The following AGBL4 variants were observed in gnomAD, a reference collection of about 807,000 sequenced individuals.
AGBL4 encodes the protein cytosolic carboxypeptidase 6.
AGBL4 carries 58 observed loss-of-function variants against 66.4 expected under a neutral mutation model. The ratio of observed to expected loss-of-function variants is 0.87; its 90% CI spans 0.71 to 1.09. The LOEUF is 1.09. Ranked by LOEUF, AGBL4 falls within the 50% of genes least tolerant of loss-of-function variation. The pLI is 0.00. For synonymous variants in AGBL4, 234 were observed against 222.9 expected (o/e 1.05, Z -0.44); for missense variants, 579 against 631.0 (o/e 0.92, Z 0.88).
intron 9 of AGBL4, among the ~76,000 whole-genome samples, chr1:48,597,736 G>T (rs1488435178): frequency 7.1e-6 from 1 of 139,978 alleles, no homozygotes; most frequent in Non-Finnish European, 1.6e-5. Flanking sequence ...GGGAGGGGAG[G>T]GGAGGGGAGA....
At chr1:50,017,704 A>T (rs1662096824) in intron 1 of AGBL4, among the ~76,000 whole-genome samples, 1 of 152,134 alleles carries the variant, frequency 6.6e-6, no homozygotes, top group Non-Finnish European at 1.5e-5. Flanking sequence ...GAGACAAAGA[A>T]GGGAACAAAA....
chr1:49,494,520 T>A (rs951872284), intron 3 of AGBL4, among the ~76,000 whole-genome samples: 3 of 151,592 alleles, frequency 2.0e-5, no homozygotes, highest in Non-Finnish European at 4.4e-5. Flanking sequence ...TGAGAATATG[T>A]GGTGTTTGGT....
intron 5 of AGBL4, among the ~76,000 whole-genome samples, chr1:48,964,595 T>G (rs2148944965): frequency 6.6e-6 from 1 of 152,342 alleles, no homozygotes; most frequent in South Asian, 2.1e-4. Context: ...TATGAATTCC[T>G]TCTCTTTTAT....
intron 5 of AGBL4, among the ~76,000 whole-genome samples, chr1:48,873,026 T>G (rs1648842951): frequency 6.6e-6 from 1 of 152,196 alleles, no homozygotes; most frequent in South Asian, 2.1e-4. Context: ...CCCTTTACTA[T>G]GGCCTCTTAA....
chr1:49,186,289 G>T (rs1187914319), intron 4 of AGBL4, among the ~76,000 whole-genome samples: 1 of 152,036 alleles, frequency 6.6e-6, no homozygotes, highest in African/African-American at 2.4e-5. Flanking sequence ...ATTCTTCAAG[G>T]CCAATCTCAA....
intron 6 of AGBL4, among the ~76,000 whole-genome samples, chr1:48,854,958 A>G (rs1328165319): frequency 6.6e-6 from 1 of 152,196 alleles, no homozygotes; most frequent in Non-Finnish European, 1.5e-5. Context: ...CAAGATGCAC[A>G]AGATGTCAGA....
chr1:49,074,934 C>T (rs185820826), intron 4 of AGBL4, among the ~76,000 whole-genome samples: 30 of 152,220 alleles, frequency 2.0e-4, no homozygotes, highest in South Asian at 2.1e-4. Context: ...TCCTAAACTC[C>T]ATGTATACGC....
intron 8 of AGBL4, among the ~76,000 whole-genome samples, chr1:48,643,788 C>T (rs55805645): frequency 0.48 from 72,483 of 151,394 alleles, 19,053 homozygotes; most frequent in Middle Eastern, 0.66. Flanking sequence ...AGAAGCAGAG[C>T]CCGTTTGGGC....
At chr1:49,242,324 A>G (rs191829368) in intron 4 of AGBL4, among the ~76,000 whole-genome samples, 2 of 152,094 alleles carry the variant, frequency 1.3e-5, no homozygotes, top group African/African-American at 2.4e-5. Context: ...AAGCCAATCC[A>G]ATAAGTTATT....
At chr1:49,288,348 A>G (rs1644464371) in intron 3 of AGBL4, among the ~76,000 whole-genome samples, 1 of 151,454 alleles carries the variant, frequency 6.6e-6, no homozygotes, top group South Asian at 2.1e-4. Context: ...CATGTACCCT[A>G]AAATTTAAAG....
At chr1:49,878,585 TG>T (rs1488752397) in intron 1 of AGBL4, among the ~76,000 whole-genome samples, 1 of 152,130 alleles carries the variant, frequency 6.6e-6, no homozygotes, top group African/African-American at 2.4e-5. Flanking sequence ...TCCAACTATG[TG>T]GTCAATTTTG....
chr1:49,128,458 T>C (rs1249608362), intron 4 of AGBL4, among the ~76,000 whole-genome samples: 1 of 152,058 alleles, frequency 6.6e-6, no homozygotes, highest in African/African-American at 2.4e-5. Flanking sequence ...TAAGAGTTTT[T>C]ATAAAGCTAA....
intron 2 of AGBL4, among the ~76,000 whole-genome samples, chr1:49,722,857 T>C (rs1648717160): frequency 6.6e-6 from 1 of 152,144 alleles, no homozygotes; most frequent in African/African-American, 2.4e-5. Flanking sequence ...GAAAAAATTT[T>C]TTATTTGAGG....
At chr1:49,691,736 A>G (rs1278280984) in intron 3 of AGBL4, among the ~76,000 whole-genome samples, 3 of 152,078 alleles carry the variant, frequency 2.0e-5, no homozygotes, top group Non-Finnish European at 2.9e-5. Flanking sequence ...ACCCACCCTT[A>G]ATCTGGGTGG....
chr1:49,787,572 A>C (rs541360311), intron 2 of AGBL4, among the ~76,000 whole-genome samples: 1 of 152,184 alleles, frequency 6.6e-6, no homozygotes, highest in East Asian at 1.9e-4. Context: ...TTGTAGGTTG[A>C]GTACTATGTC....
chr1:49,301,004 T>C (rs1202426212), intron 3 of AGBL4, among the ~76,000 whole-genome samples: 2 of 152,212 alleles, frequency 1.3e-5, no homozygotes, highest in African/African-American at 4.8e-5. Context: ...AATCCATTTC[T>C]CTCACTGGAT....
chr1:49,546,477 T>C lies in AGBL4; in HGVS notation c.282+150836A>G, dbSNP rs111976156. On this transcript the variant is annotated intron_variant, in intron 3 of 13. Transcript: ENST00000371839. ...TGAATTTTGTTGTTATGAACATGCG[T>C]TTGCAAATATCTTTTTTGTATAATG... Among the ~76,000 whole-genome samples the C allele has an allele frequency of 5.2e-3, 789 of 152,176 alleles. 5 individuals are homozygous for C. Among genetic ancestry groups the C allele is most frequent in the Non-Finnish European group, 6.7e-3 (453 of 68,008 alleles).
chr1:49,029,561 T>G (rs1458370619), intron 5 of AGBL4, among the ~76,000 whole-genome samples: 1 of 152,172 alleles, frequency 6.6e-6, no homozygotes, highest in African/African-American at 2.4e-5. Flanking sequence ...ACATCCCACA[T>G]TCATGCATCA....
intron 4 of AGBL4, among the ~76,000 whole-genome samples, chr1:49,152,226 G>A (rs1233280111): frequency 1.3e-5 from 2 of 152,136 alleles, no homozygotes; most frequent in African/African-American, 2.4e-5. Flanking sequence ...TATGCTATGA[G>A]CACTGAGCCA....
Sources: gnomAD v4.1 joint callset for allele counts (sites outside exome capture counted in the v4.1 genomes callset) on GRCh38, gnomAD v4.1.1 for gene constraint, MANE v1.5 for transcripts, NCBI Gene and HGNC (gene_info 2026-07-23, HGNC 2026-07-21) for gene names.